The following TMEM132C variants were observed in gnomAD, a reference collection of about 807,000 sequenced individuals.
TMEM132C encodes the protein transmembrane protein 132C, also known as protein phosphatase 1, regulatory subunit 152.
TMEM132C carries 29 observed loss-of-function variants against 61.4 expected under a neutral mutation model. The ratio of observed to expected loss-of-function variants is 0.47; its 90% CI spans 0.35 to 0.64. The LOEUF (loss-of-function observed/expected upper bound fraction) is 0.64, where lower values mean the gene tolerates loss of function less well. Among genes scored for constraint, TMEM132C ranks in the 30% least tolerant of loss-of-function variants. The probability of loss-of-function intolerance (pLI) is 0.00; values close to 1 mark genes in which losing one functional copy is unlikely to be tolerated. For missense variants in TMEM132C, 1,408 were observed against 1,476.9 expected (o/e 0.95, Z 0.76); for synonymous variants, 656 against 633.1 (o/e 1.04, Z -0.54).
At chr12:128,555,380 A>G (rs1474703644) in intron 3 of TMEM132C, among the ~76,000 whole-genome samples, 1 of 152,206 alleles carries the variant, frequency 6.6e-6, no homozygotes, top group African/African-American at 2.4e-5. Context: ...AATTGCTCAG[A>G]CCAACTGCCT....
intron 2 of TMEM132C, among the ~76,000 whole-genome samples, chr12:128,471,933 T>C (rs567647054): frequency 9.3e-4 from 142 of 152,300 alleles, no homozygotes; most frequent in African/African-American, 3.0e-3. Flanking sequence ...GTAGGAAATT[T>C]GGAAATATTT....
intron 4 of TMEM132C, among the ~76,000 whole-genome samples, chr12:128,665,844 G>GAC (rs1566008565): frequency 1.9e-3 from 79 of 41,262 alleles, no homozygotes; most frequent in African/African-American, 8.8e-3. Context: ...CACAAACACA[G>GAC]GCACACACAC....
At chr12:128,492,987 A>G (rs1871798443) in intron 2 of TMEM132C, among the ~76,000 whole-genome samples, 2 of 152,084 alleles carry the variant, frequency 1.3e-5, no homozygotes, top group South Asian at 2.1e-4. Flanking sequence ...TTTTAGGTCT[A>G]ATATTTAAGT....
chr12:128,500,719 T>C (rs574796580), intron 2 of TMEM132C, among the ~76,000 whole-genome samples: 1 of 152,208 alleles, frequency 6.6e-6, no homozygotes, highest in Admixed American at 6.5e-5. Context: ...CATTCATACA[T>C]TGATGATGAG....
intron 1 of TMEM132C, among the ~76,000 whole-genome samples, chr12:128,343,586 CT>C (rs1873049422): frequency 6.6e-6 from 1 of 151,876 alleles, no homozygotes; most frequent in Non-Finnish European, 1.5e-5. Flanking sequence ...TCATTTTTTT[CT>C]TTAATAAGTT....
chr12:128,653,305 T>A (rs911451438), intron 4 of TMEM132C, among the ~76,000 whole-genome samples: 2 of 151,722 alleles, frequency 1.3e-5, no homozygotes, highest in African/African-American at 4.8e-5. Flanking sequence ...GGGATTAGAG[T>A]CGCCTTCTGG....
chr12:128,566,205 AAAG>A (rs1364568748), intron 3 of TMEM132C, among the ~76,000 whole-genome samples: 9 of 151,980 alleles, frequency 5.9e-5, no homozygotes, highest in Non-Finnish European at 1.2e-4. Flanking sequence ...AAAAAAAAAA[AAAG>A]TTTTAATCAA....
At chr12:128,465,520 A>T (rs1195530161) in intron 2 of TMEM132C, among the ~76,000 whole-genome samples, 1 of 152,138 alleles carries the variant, frequency 6.6e-6, no homozygotes, top group African/African-American at 2.4e-5. Context: ...CTTCATTCAC[A>T]TGAGAGATAC....
chr12:128,617,665 T>C (rs1460478795), intron 4 of TMEM132C, among the ~76,000 whole-genome samples: 2 of 151,488 alleles, frequency 1.3e-5, no homozygotes, highest in Admixed American at 1.3e-4. Context: ...GTGGGGCAGG[T>C]GTAGAGTCAG....
intron 2 of TMEM132C, among the ~76,000 whole-genome samples, chr12:128,532,493 G>A (rs1469659333): frequency 2.6e-5 from 4 of 151,700 alleles, no homozygotes; most frequent in Non-Finnish European, 5.9e-5. Context: ...ACAAAAATTA[G>A]CCGGGCGTGG....
chr12:128,379,399 A>G (rs1026333133), intron 1 of TMEM132C, among the ~76,000 whole-genome samples: 5 of 152,202 alleles, frequency 3.3e-5, no homozygotes, highest in Non-Finnish European at 5.9e-5. Flanking sequence ...GCTTTTTACA[A>G]CCTATTCCAG....
In TMEM132C at chr12:128,415,593, A is replaced by C; in HGVS notation, c.947A>C (p.Asn316Thr). Reference protein sequence around the residue: ...VVTAYVTISSNSSVDLFILRA... With the variant: ...VVTAYVTISSTSSVDLFILRA... ...ACGGCCTATGTCACCATCTCGAGCA[A>C]TTCCTCTGTGGACCTCTTCATCTTG... is the stretch of plus-strand genomic sequence containing the variant. Residue 316 changes from asparagine to threonine, a missense_variant, in exon 2 of 9, where the codon AAT becomes ACT. Transcript: ENST00000435159. This position sits in a 1 kb window ranked among gnomAD's most constrained non-coding sequence, Gnocchi z 5.8. 1 of 1,544,344 alleles carries C rather than the reference A, an allele frequency of 6.5e-7. No individual in the cohort carries two copies. The highest frequency in any genetic ancestry group is 1.2e-5 in the South Asian group (1 of 82,932).
chr12:128,463,621 T>A (rs1565943554), intron 2 of TMEM132C, among the ~76,000 whole-genome samples: 1 of 152,074 alleles, frequency 6.6e-6, no homozygotes, highest in Non-Finnish European at 1.5e-5. Context: ...GCCCAGCCCA[T>A]GCTTCCGTTT....
At position 128,697,317 on chromosome 12, in the gene TMEM132C, G is replaced by A. The variant is rs936547800; in HGVS notation, c.2023G>A (p.Val675Met). The stretch of plus-strand genomic sequence containing the variant: ...GGTGACAGACTTGGCCATCCAGCTC[G>A]TGGCTGGGCTGTCTGTCGCCCTTTA... ...VSVTDLAIQL[V>M]AGLSVALYPN... The change falls in exon 8 of 9, where the codon GTG becomes ATG. Residue 675 changes from valine to methionine, a missense_variant. Val to Met is a conservative substitution (Grantham distance 21). Transcript: ENST00000435159. 28 of 1,551,182 alleles carry A rather than the reference G, an allele frequency of 1.8e-5. No individual in the cohort carries two copies. The highest frequency in any genetic ancestry group is 5.5e-5 in the African/African-American group (4 of 73,044).
chr12:128,331,793 G>T (rs1872670929), intron 1 of TMEM132C, among the ~76,000 whole-genome samples: 1 of 152,176 alleles, frequency 6.6e-6, no homozygotes, highest in Non-Finnish European at 1.5e-5. Context: ...ACCCAGTAGT[G>T]GGACTGCTGG....
intron 2 of TMEM132C, among the ~76,000 whole-genome samples, chr12:128,466,042 C>CA (rs112161557): frequency 0.051 from 7,673 of 151,874 alleles, 648 homozygotes; most frequent in African/African-American, 0.17. Flanking sequence ...AAAATTAATG[C>CA]CAAAAAAACC....
At chr12:128,634,274 C>T (rs1954084134) in intron 4 of TMEM132C, among the ~76,000 whole-genome samples, 1 of 152,222 alleles carries the variant, frequency 6.6e-6, no homozygotes, top group Admixed American at 6.5e-5. Context: ...CACGGTCTCA[C>T]TATGTTGCCC....
intron 3 of TMEM132C, among the ~76,000 whole-genome samples, chr12:128,593,039 T>C (rs1875810870): frequency 6.7e-6 from 1 of 149,284 alleles, no homozygotes; most frequent in South Asian, 2.2e-4. Context: ...TTTTCTTCCT[T>C]TCTTTTCTCT....
chr12:128,477,861 C>T (rs1871200725), intron 2 of TMEM132C, among the ~76,000 whole-genome samples: 1 of 152,062 alleles, frequency 6.6e-6, no homozygotes, highest in African/African-American at 2.4e-5. Context: ...GGGTTATAGG[C>T]GTGAGCCACC....
Sources: gnomAD v4.1 joint callset for allele counts (sites outside exome capture counted in the v4.1 genomes callset) on GRCh38, gnomAD v4.1.1 for gene constraint, Gnocchi (gnomAD v3.1) non-coding constraint, MANE v1.5 for transcripts, NCBI Gene and HGNC (gene_info 2026-07-23, HGNC 2026-07-21) for gene names.